NKAIN2: variants seen among roughly 807,000 people sequenced by gnomAD.
NKAIN2 encodes sodium/potassium transporting ATPase interacting 2.
A neutral mutation model predicts 32.6 loss-of-function variants in NKAIN2; 14 were observed. The ratio of observed to expected loss-of-function variants is 0.43; its 90% confidence interval spans 0.28 to 0.67. NKAIN2 has a LOEUF of 0.67. Among genes scored for constraint, NKAIN2 ranks in the 30% least tolerant of loss-of-function variants. NKAIN2 has a pLI of 0.17. For missense variants in NKAIN2, 198 were observed against 258.3 expected (o/e 0.77, Z 1.60); for synonymous variants, 80 against 87.2 (o/e 0.92, Z 0.46).
chr6:124,658,259 C>A lies in NKAIN2; in HGVS notation c.347C>A (p.Thr116Lys), dbSNP rs200929058. 1.9e-6 allele frequency: 3 copies of A among 1,613,902 alleles called. No individual in the cohort carries two copies. Among genetic ancestry groups the A allele is most frequent in the Non-Finnish European group, 2.5e-6 (3 of 1,179,858 alleles). The change falls in exon 4 of 7, where the codon ACG (threonine) becomes AAG (lysine). Residue 116 changes from threonine to lysine, a missense_variant. By Grantham distance (78) the Thr-to-Lys change is moderately conservative. Coordinates refer to ENST00000368417, the MANE Select transcript of NKAIN2 (RefSeq NM_001040214.3). The stretch of plus-strand genomic sequence containing the variant: ...TGGATGGAGAATGGACCAGGATGTA[C>A]GGTGACGTCAGTGACACCTGCCCCA... ...SWWMENGPGC[T>K]VTSVTPAPDW... is the part of the protein sequence containing the mutation.
chr6:124,503,743 G>A (rs965389508), intron 3 of NKAIN2, among the ~76,000 whole-genome samples: 2 of 152,092 alleles, frequency 1.3e-5, no homozygotes, highest in African/African-American at 2.4e-5. Context: ...TTGCCAATGA[G>A]CATTTTGCAT....
chr6:124,493,683 G>T (rs1428142387), intron 3 of NKAIN2, among the ~76,000 whole-genome samples: 1 of 126,110 alleles, frequency 7.9e-6, no homozygotes. Flanking sequence ...TTCTATGCTA[G>T]AATGTTATCT....
At chr6:124,435,205 G>A (rs1775386982) in intron 3 of NKAIN2, among the ~76,000 whole-genome samples, 1 of 152,086 alleles carries the variant, frequency 6.6e-6, no homozygotes, top group African/African-American at 2.4e-5. Flanking sequence ...TTGAGAAGGT[G>A]CGTTCCCAGA....
chr6:123,953,969 G>A (rs1777446358), intron 1 of NKAIN2, among the ~76,000 whole-genome samples: 1 of 152,192 alleles, frequency 6.6e-6, no homozygotes, highest in African/African-American at 2.4e-5. Flanking sequence ...TACAGGTGTG[G>A]GAGTTTGCAC....
At chr6:124,631,370 A>T (rs1783558816) in intron 3 of NKAIN2, among the ~76,000 whole-genome samples, 2 of 152,150 alleles carry the variant, frequency 1.3e-5, no homozygotes, top group South Asian at 4.1e-4. Context: ...TGTGAACTAG[A>T]TAGACTGATA....
chr6:124,307,099 C>G (rs1796537671), intron 2 of NKAIN2, among the ~76,000 whole-genome samples: 1 of 151,956 alleles, frequency 6.6e-6, no homozygotes, highest in Non-Finnish European at 1.5e-5. Flanking sequence ...TAGAGGACCT[C>G]TACAAGAAAA....
chr6:123,825,902 G>A (rs528443447), intron 1 of NKAIN2, among the ~76,000 whole-genome samples: 50 of 152,208 alleles, frequency 3.3e-4, no homozygotes, highest in African/African-American at 1.1e-3. Flanking sequence ...CAAATCAGTC[G>A]AAGCACTTTT....
intron 1 of NKAIN2, among the ~76,000 whole-genome samples, chr6:123,938,436 A>G (rs948159378): frequency 1.0e-5 from 1 of 99,454 alleles, no homozygotes; most frequent in African/African-American, 6.1e-5. Flanking sequence ...ATATATATAT[A>G]TATATATATA....
chr6:124,700,870 T>TCACACACACACACA (rs1562331736), intron 4 of NKAIN2, among the ~76,000 whole-genome samples: 1 of 114,696 alleles, frequency 8.7e-6, no homozygotes, highest in African/African-American at 3.5e-5. Context: ...GTCTCTTTCC[T>TCACACACACACACA]GACACACACA....
At chr6:124,776,922 T>C (rs1455423384) in intron 4 of NKAIN2, among the ~76,000 whole-genome samples, 1 of 152,180 alleles carries the variant, frequency 6.6e-6, no homozygotes, top group Non-Finnish European at 1.5e-5. Context: ...ATATTCATCT[T>C]AGTCGTAGCA....
chr6:124,445,892 T>G (rs1165166549), intron 3 of NKAIN2, among the ~76,000 whole-genome samples: 4 of 152,150 alleles, frequency 2.6e-5, no homozygotes, highest in African/African-American at 9.7e-5. Flanking sequence ...CAGTGGTTCA[T>G]TCATCTGGCT....
At chr6:124,701,120 TAAAAC>T (rs1774759789) in intron 4 of NKAIN2, among the ~76,000 whole-genome samples, 1 of 137,486 alleles carries the variant, frequency 7.3e-6, no homozygotes, top group Non-Finnish European at 1.5e-5. Context: ...TTCTAGTTGA[TAAAAC>T]TAAGGAGAGA....
At chr6:124,090,754 CAT>C (rs1298257067) in intron 1 of NKAIN2, among the ~76,000 whole-genome samples, 1 of 152,024 alleles carries the variant, frequency 6.6e-6, no homozygotes, top group Non-Finnish European at 1.5e-5. Context: ...ATAGGACACT[CAT>C]AAAGTGCTGA....
intron 4 of NKAIN2, among the ~76,000 whole-genome samples, chr6:124,660,237 T>G (rs1186028855): frequency 6.6e-6 from 1 of 152,182 alleles, no homozygotes; most frequent in Non-Finnish European, 1.5e-5. Context: ...TCCACCTATG[T>G]TTTAAGGATG....
At chr6:123,919,205 A>G (rs182822689) in intron 1 of NKAIN2, among the ~76,000 whole-genome samples, 249 of 152,274 alleles carry the variant, frequency 1.6e-3, no homozygotes, top group Non-Finnish European at 7.5e-4. Context: ...AACATATATC[A>G]TAAACATATA....
In NKAIN2 at chr6:124,693,876, A is replaced by G. The variant is rs140227803; in HGVS notation, c.474+35490A>G. On this transcript the variant is annotated intron_variant, in intron 4 of 6. Coordinates refer to ENST00000368417, the MANE Select transcript of NKAIN2 (RefSeq NM_001040214.3). ...TAGAGAAAATGCACCTTATGAATCC[A>G]AGCGGGAACAGTATACAATATAAAG... 2.6e-3 allele frequency among the ~76,000 whole-genome samples: 400 copies of G among 152,268 alleles called. 1 individual carries two copies. The highest frequency in any genetic ancestry group is 6.5e-3 in the African/African-American group (271 of 41,540).
chr6:124,429,691 A>G (rs1775130035), intron 3 of NKAIN2, among the ~76,000 whole-genome samples: 1 of 152,168 alleles, frequency 6.6e-6, no homozygotes, highest in Non-Finnish European at 1.5e-5. Context: ...GGGCTTCAAG[A>G]GGCAGTAAAC....
rs1052399985 is a variant in NKAIN2, at chr6:124,500,110, A to G, written c.273+144763A>G. 2.0e-5 allele frequency among the ~76,000 whole-genome samples: 3 copies of G among 152,216 alleles called. No individual in the cohort carries two copies. In the South Asian group the frequency reaches 6.2e-4, roughly 31 times the overall value. On this transcript the variant is annotated intron_variant, in intron 3 of 6. Transcript: ENST00000368417. Reference sequence around the variant, plus strand: ...CTATCTCCCTCCTCATTATTGGCATATTAAAGATTCTGAAAAAACTATTTA... The same window carrying G: ...CTATCTCCCTCCTCATTATTGGCATGTTAAAGATTCTGAAAAAACTATTTA...
chr6:124,483,784 A>G (rs1171886648), intron 3 of NKAIN2, among the ~76,000 whole-genome samples: 1 of 152,000 alleles, frequency 6.6e-6, no homozygotes, highest in Non-Finnish European at 1.5e-5. Context: ...ACTGTATTAT[A>G]ACTAAATAAT....
Sources: allele counts gnomAD v4.1 joint callset (sites outside exome capture counted in the v4.1 genomes callset), GRCh38; gene constraint gnomAD v4.1.1; transcripts MANE v1.5; gene names NCBI Gene and HGNC (gene_info 2026-07-23, HGNC 2026-07-21).